The following SYT14 variants were observed in gnomAD, a reference collection of about 807,000 sequenced individuals.
The protein encoded by SYT14 is synaptotagmin-14.
A neutral mutation model predicts 74.2 loss-of-function variants in SYT14; 32 were observed. That is an observed-to-expected ratio of 0.43 (90% confidence interval 0.33 to 0.58). The LOEUF is 0.58. SYT14 is among the 20% of genes least tolerant of loss of function. SYT14 has a pLI of 0.05. For missense variants in SYT14, 791 were observed against 981.8 expected (o/e 0.81, Z 2.60); for synonymous variants, 298 against 337.7 (o/e 0.88, Z 1.29).
intron 1 of SYT14, among the ~76,000 whole-genome samples, chr1:209,944,448 T>C (rs1301653126): frequency 2.0e-5 from 3 of 152,184 alleles, no homozygotes; most frequent in South Asian, 2.1e-4. Flanking sequence ...TAGGAACTTA[T>C]GTGGATCAAA....
At chr1:210,045,504 T>A (rs536889929) in intron 5 of SYT14, among the ~76,000 whole-genome samples, 8 of 152,204 alleles carry the variant, frequency 5.3e-5, no homozygotes, top group Non-Finnish European at 1.2e-4. Flanking sequence ...TACAGAATAA[T>A]GCTACTAGCG....
chr1:209,949,930 A>C (rs539507372), intron 1 of SYT14, among the ~76,000 whole-genome samples: 1 of 152,274 alleles, frequency 6.6e-6, no homozygotes, highest in Admixed American at 6.5e-5. Flanking sequence ...AAAATTTAAG[A>C]GGTTCTTTTA....
At chr1:210,149,518 A>G (rs1179716450) in intron 7 of SYT14, among the ~76,000 whole-genome samples, 3 of 152,078 alleles carry the variant, frequency 2.0e-5, no homozygotes, top group African/African-American at 7.2e-5. Flanking sequence ...CCATTTCCAC[A>G]TGATGCTATG....
At chr1:210,162,095 A>T (rs752799172) in exon 10 of SYT14, 1 of 439,132 alleles carries the variant, frequency 2.3e-6, no homozygotes, top group East Asian at 7.1e-5. Context: ...TATTTGTGAT[A>T]TGAAGACTAT....
intron 3 of SYT14, among the ~76,000 whole-genome samples, chr1:210,014,190 C>T (rs192123503): frequency 8.6e-5 from 13 of 151,992 alleles, no homozygotes; most frequent in African/African-American, 3.1e-4. Flanking sequence ...AAGTATTCAC[C>T]CTTTTTCTTT....
intron 7 of SYT14, among the ~76,000 whole-genome samples, chr1:210,102,512 T>C (rs948505389): frequency 4.6e-5 from 7 of 152,184 alleles, no homozygotes. Flanking sequence ...ATATTCTATA[T>C]ATACTATAGT....
At chr1:209,961,360 G>A (rs1355890886) in intron 2 of SYT14, among the ~76,000 whole-genome samples, 2 of 152,080 alleles carry the variant, frequency 1.3e-5, no homozygotes, top group African/African-American at 4.8e-5. Context: ...AGTTCTAATT[G>A]TCCAGAGTAG....
intron 8 of SYT14, among the ~76,000 whole-genome samples, chr1:210,157,335 A>G (rs1404502480): frequency 6.6e-6 from 1 of 151,748 alleles, no homozygotes; most frequent in Non-Finnish European, 1.5e-5. Flanking sequence ...CCAGCTACTC[A>G]GGAGGGTGAG....
chr1:210,092,552 C>T (rs1190855735), intron 5 of SYT14, among the ~76,000 whole-genome samples: 1 of 152,182 alleles, frequency 6.6e-6, no homozygotes, highest in Admixed American at 6.5e-5. Context: ...TTACCTACCA[C>T]ATAAATGGAT....
At chr1:210,138,010 TAAAA>T (rs943600396) in intron 7 of SYT14, among the ~76,000 whole-genome samples, 1 of 151,584 alleles carries the variant, frequency 6.6e-6, no homozygotes, top group South Asian at 2.1e-4. Context: ...AAATGGTAAA[TAAAA>T]AAAAATCAAC....
At chr1:209,981,450 C>CTTTTTTTTTTTTTTTTTTTTTTTTT (rs1183885685) in intron 2 of SYT14, among the ~76,000 whole-genome samples, 13 of 99,048 alleles carry the variant, frequency 1.3e-4, no homozygotes, top group African/African-American at 2.0e-4. Context: ...TTTTTCTTTT[C>CTTTTTTTTTTTTTTTTTTTTTTTTT]TTTTTTTTTT....
At chr1:210,131,568 T>C (rs1432381316) in intron 7 of SYT14, among the ~76,000 whole-genome samples, 1 of 151,630 alleles carries the variant, frequency 6.6e-6, no homozygotes, top group East Asian at 1.9e-4. Flanking sequence ...TATATGTACA[T>C]ATACATATTT....
chr1:209,984,189 G>A (rs1234457618), intron 2 of SYT14, among the ~76,000 whole-genome samples: 1 of 152,180 alleles, frequency 6.6e-6, no homozygotes, highest in Non-Finnish European at 1.5e-5. Context: ...GGAAGTCAGG[G>A]TCCTTACTGC....
At chr1:210,000,294 G>A (rs1027868388) in intron 2 of SYT14, among the ~76,000 whole-genome samples, 6 of 151,916 alleles carry the variant, frequency 3.9e-5, no homozygotes, top group Admixed American at 2.0e-4. Flanking sequence ...CACATGTTTC[G>A]GTTTCCTTTT....
chr1:209,981,296 C>G (rs6689456), intron 2 of SYT14, among the ~76,000 whole-genome samples: 69,345 of 151,850 alleles, frequency 0.46, 17,104 homozygotes, highest in Non-Finnish European at 0.56. Flanking sequence ...TTAAGGATCT[C>G]TTGTAAAGCT....
chr1:210,112,056 G>T (rs1440128430), intron 7 of SYT14, among the ~76,000 whole-genome samples: 1 of 151,284 alleles, frequency 6.6e-6, no homozygotes, highest in Admixed American at 6.6e-5. Context: ...TTATCAGACT[G>T]TACAGAGGTG....
intron 6 of SYT14, among the ~76,000 whole-genome samples, chr1:210,099,030 A>G (rs1020300517): frequency 1.3e-5 from 2 of 152,184 alleles, no homozygotes; most frequent in Non-Finnish European, 2.9e-5. Context: ...AAATGGAAAA[A>G]GAGAAGACTG....
intron 7 of SYT14, among the ~76,000 whole-genome samples, chr1:210,117,952 C>A (rs976439928): frequency 6.6e-6 from 1 of 152,190 alleles, no homozygotes; most frequent in Non-Finnish European, 1.5e-5. Context: ...AAATGCTAAT[C>A]CCTTCACTGT....
chr1:209,980,917 C>T (rs1339880060), intron 2 of SYT14, among the ~76,000 whole-genome samples: 1 of 152,046 alleles, frequency 6.6e-6, no homozygotes, highest in African/African-American at 2.4e-5. Context: ...TTAGGATTGT[C>T]TTGGCTATTT....
Sources: gnomAD v4.1 joint callset for allele counts (sites outside exome capture counted in the v4.1 genomes callset) on GRCh38, gnomAD v4.1.1 for gene constraint, MANE v1.5 for transcripts, NCBI Gene and HGNC (gene_info 2026-07-23, HGNC 2026-07-21) for gene names.